ZNF707: variants seen among roughly 807,000 people sequenced by gnomAD.
ZNF707 encodes zinc finger protein 707.
In ZNF707, 8 loss-of-function variants were observed where a neutral mutation model predicts 13.3. The observed-to-expected ratio is 0.60, with a 90% CI of 0.35 to 1.09. ZNF707 has a LOEUF of 1.09. Among genes scored for constraint, ZNF707 ranks in the 50% least tolerant of loss-of-function variants. ZNF707 has a pLI of 0.02. For synonymous variants in ZNF707, 225 were observed against 205.6 expected (o/e 1.09, Z -0.81); for missense variants, 530 against 512.6 (o/e 1.03, Z -0.33).
chr8:143,693,610 T>C lies in ZNF707; in HGVS notation c.257-61T>C. On this transcript the variant is annotated intron_variant, in intron 5 of 5. Coordinates refer to ENST00000358656, the MANE Select transcript of ZNF707 (RefSeq NM_001100598.2). The surrounding 1 kb of genome is among the most constrained non-coding windows in gnomAD (Gnocchi z 4.1). ...GCGCCCGGCCTCCTCTGGGCTTTGC[T>C]GGAGGCACTGCCTGGCTGTGGGCCA... 1.4e-6 allele frequency: 2 copies of C among 1,477,356 alleles called. No individual in the cohort carries two copies. The allele number at this position is 1,477,356 out of a possible 1,614,324, so 91.5% of individuals were successfully genotyped here.
rs1817115912 is a variant in ZNF707 at position 143,694,145 on chromosome 8, A to C, written c.731A>C (p.Lys244Thr). The change falls in exon 6 of 6, where the codon AAG becomes ACG. Residue 244 changes from lysine to threonine, a missense_variant. Lys to Thr is a moderately conservative substitution (Grantham distance 78). Coordinates refer to ENST00000358656, the MANE Select transcript of ZNF707 (RefSeq NM_001100598.2). This position sits in a 1 kb window ranked among gnomAD's most constrained non-coding sequence, Gnocchi z 4.4. ...CEACGQAFSLKDRLAQHRKVH... is the reference protein window; with the variant it reads ...CEACGQAFSLTDRLAQHRKVH... The stretch of plus-strand genomic sequence containing the variant: ...GCCTGCGGGCAGGCGTTCAGCCTGA[A>C]GGACCGCCTGGCTCAGCACCGCAAG... 21 of 1,591,098 alleles carry C rather than the reference A, an allele frequency of 1.3e-5. No homozygotes were observed. The highest frequency in any genetic ancestry group is 1.8e-5 in the Non-Finnish European group (21 of 1,168,590).
intron 1 of ZNF707, chr8:143,688,528 C>T (rs1416554248): frequency 6.6e-6 from 1 of 151,520 alleles, no homozygotes; most frequent in Non-Finnish European, 1.5e-5. Flanking sequence ...GTCCATGTCA[C>T]TTGGTCATGA....
chr8:143,693,586 C>A lies in ZNF707; in HGVS notation c.257-85C>A. On this transcript the variant is annotated intron_variant, in intron 5 of 5. Transcript: ENST00000358656. The surrounding 1 kb of genome is among the most constrained non-coding windows in gnomAD (Gnocchi z 4.1). ...CTGGGATTACAGGCGTGAGCCACCG[C>A]GCCCGGCCTCCTCTGGGCTTTGCTG... 1 of 1,430,896 alleles carries A rather than the reference C, an allele frequency of 7.0e-7. No homozygotes were observed. The highest frequency in any genetic ancestry group is 9.2e-7 in the Non-Finnish European group (1 of 1,085,274). 88.6% of individuals were successfully genotyped at this position (1,430,896 alleles called of 1,614,324 possible). A position where few individuals can be genotyped will look rare whatever the true frequency, so the allele number is the denominator to read the frequency against.
chr8:143,686,702 C>T (rs146355217), intron 1 of ZNF707, among the ~76,000 whole-genome samples: 1,532 of 152,224 alleles, frequency 0.01, 14 homozygotes, highest in Non-Finnish European at 0.018. Context: ...ACAGAGGTCT[C>T]CCTATGTTGC....
intron 2 of ZNF707, among the ~76,000 whole-genome samples, chr8:143,689,693 G>A (rs782703030): frequency 1.3e-5 from 2 of 152,200 alleles, no homozygotes; most frequent in African/African-American, 4.8e-5. Flanking sequence ...AGGAGCCTCC[G>A]CTGCCTCAGT....
At chr8:143,686,454 A>G (rs530930693) in intron 1 of ZNF707, among the ~76,000 whole-genome samples, 4 of 152,114 alleles carry the variant, frequency 2.6e-5, no homozygotes, top group Non-Finnish European at 5.9e-5. Context: ...AACACCACCC[A>G]TGACCCATGT....
intron 1 of ZNF707, among the ~76,000 whole-genome samples, chr8:143,688,277 AT>A (rs1441969358): frequency 2.0e-5 from 3 of 152,198 alleles, no homozygotes; most frequent in Admixed American, 6.5e-5. Context: ...TGAAAAAAAA[AT>A]ATCAAGTTGA....
intron 5 of ZNF707, chr8:143,692,356 T>C (rs73718140): frequency 0.027 from 33,445 of 1,251,372 alleles, 673 homozygotes; most frequent in African/African-American, 0.1. Flanking sequence ...GACTGTGGAG[T>C]GTCAGGTCCC....
chr8:143,691,162 C>A lies in ZNF707; in HGVS notation c.105C>A (p.Asp35Glu), dbSNP rs200815515. ...CCAGCCAGAGGGCCCTCTACCGGGACGTGATGCTGGACAACTTCAGCAGTG... is the reference window on the plus strand; with the variant it reads ...CCAGCCAGAGGGCCCTCTACCGGGAAGTGATGCTGGACAACTTCAGCAGTG... ...LEPSQRALYR[D>E]VMLDNFSSVA... Residue 35 changes from aspartate (D) to glutamate (E), a missense_variant, in exon 4 of 6, where the codon GAC becomes GAA. Asp to Glu is a conservative substitution (Grantham distance 45, BLOSUM62 2). Transcript: ENST00000358656. The A allele has an allele frequency of 6.2e-7, 1 of 1,613,688 alleles. No individual in the cohort carries two copies. Among genetic ancestry groups the A allele is most frequent in the Non-Finnish European group, 8.5e-7 (1 of 1,179,740 alleles).
At chr8:143,688,294 A>G (rs1816478009) in intron 1 of ZNF707, among the ~76,000 whole-genome samples, 1 of 152,192 alleles carries the variant, frequency 6.6e-6, no homozygotes, top group Non-Finnish European at 1.5e-5. Context: ...GTTGAAAAGC[A>G]TATTCATGAA....
At chr8:143,688,752 C>G (rs554134056) in intron 1 of ZNF707, 1 of 151,668 alleles carries the variant, frequency 6.6e-6, no homozygotes, top group African/African-American at 2.4e-5. Context: ...GCAGTCCCCC[C>G]ACCTCAGCCT....
chr8:143,694,688 G>A lies in ZNF707; in HGVS notation c.*158G>A. 6 of 835,792 alleles carry A rather than the reference G, an allele frequency of 7.2e-6. No homozygotes were observed. The highest frequency in any genetic ancestry group is 1.8e-6 in the Non-Finnish European group (1 of 564,944). 51.8% of individuals were successfully genotyped at this position (835,792 alleles called of 1,614,324 possible). A position where few individuals can be genotyped will look rare whatever the true frequency, so the allele number is the denominator to read the frequency against. ...CCCAGTCCCCCGAGAAGTTTACTGG[G>A]AAAACTGCCAGGTGGGAGAAGCAGA... On this transcript the variant is annotated 3_prime_UTR_variant, in exon 6 of 6. Coordinates refer to ENST00000358656, the MANE Select transcript of ZNF707 (RefSeq NM_001100598.2). The surrounding 1 kb of genome is among the most constrained non-coding windows in gnomAD (Gnocchi z 4.4).
Position 143,693,632 on chromosome 8 carries a change from G to A in ZNF707, c.257-39G>A. On this transcript the variant is annotated intron_variant, in intron 5 of 5. Transcript: ENST00000358656. This position sits in a 1 kb window ranked among gnomAD's most constrained non-coding sequence, Gnocchi z 4.1. ...TGCTGGAGGCACTGCCTGGCTGTGG[G>A]CCACTGGCTCTGTGTAAGGGTGTCT... The A allele has an allele frequency of 1.3e-6, 2 of 1,500,184 alleles. No homozygotes were observed. The highest frequency in any genetic ancestry group is 1.8e-6 in the Non-Finnish European group (2 of 1,125,816). The allele number at this position is 1,500,184 out of a possible 1,614,324, so 92.9% of individuals were successfully genotyped here.
chr8:143,693,914 G>C lies in ZNF707; in HGVS notation c.500G>C (p.Arg167Pro). 2 of 1,606,354 alleles carry C rather than the reference G, an allele frequency of 1.2e-6. No homozygotes were observed. The highest frequency in any genetic ancestry group is 1.7e-6 in the Non-Finnish European group (2 of 1,176,144). The change falls in exon 6 of 6, where the codon CGG (arginine) becomes CCG (proline). Residue 167 changes from arginine to proline, a missense_variant. Arg to Pro is a moderately radical substitution (Grantham distance 103). Coordinates refer to ENST00000358656, the MANE Select transcript of ZNF707 (RefSeq NM_001100598.2). This position sits in a 1 kb window ranked among gnomAD's most constrained non-coding sequence, Gnocchi z 4.1. ...CGRRPGRRER[R>P]KQRAVELSFI... The stretch of plus-strand genomic sequence containing the variant: ...CGGCGGCCGGGCCGCAGAGAGCGCC[G>C]GAAGCAGCGCGCAGTAGAGCTGTCA...
In ZNF707 at chr8:143,694,351, G is replaced by C; in HGVS notation, c.937G>C (p.Glu313Gln). ...CCACCACCAGAGGGTCCACAGCGGG[G>C]AGAAGCCCTACACCTGTGCCGAGTG... is the stretch of plus-strand genomic sequence containing the variant. ...LSHHQRVHSG[E>Q]KPYTCAECGK... Residue 313 changes from glutamate (E) to glutamine (Q), a missense_variant, in exon 6 of 6, where the codon GAG (glutamate) becomes CAG (glutamine). Physicochemically the swap from Glu to Gln is conservative, Grantham distance 29. Transcript: ENST00000358656. This position sits in a 1 kb window ranked among gnomAD's most constrained non-coding sequence, Gnocchi z 4.4. The C allele has an allele frequency of 1.9e-6, 3 of 1,609,914 alleles. No individual in the cohort carries two copies. The highest frequency in any genetic ancestry group is 2.5e-6 in the Non-Finnish European group (3 of 1,177,974).
intron 5 of ZNF707, 172 bp downstream of exon 5, chr8:143,691,885 T>G (rs1369552566): frequency 5.1e-6 from 5 of 978,538 alleles, no homozygotes; most frequent in Non-Finnish European, 6.1e-6. Flanking sequence ...GCCACGCTCC[T>G]GCCCTGATGG....
intron 3 of ZNF707, 79 bp downstream of exon 3, chr8:143,690,202 G>A: frequency 6.5e-7 from 1 of 1,549,886 alleles, no homozygotes; most frequent in South Asian, 1.1e-5. Context: ...CGCGGGGAGG[G>A]TCTGTGGCAG....
intron 4 of ZNF707, 53 bp from the exon 5 acceptor site, chr8:143,691,547 C>T: frequency 6.5e-7 from 1 of 1,527,842 alleles, no homozygotes; most frequent in South Asian, 1.2e-5. Flanking sequence ...AGCCTCGACC[C>T]TCACTTTGTC....
chr8:143,690,072 C>G lies in ZNF707; in HGVS notation c.-37C>G, dbSNP rs1816662462. 20 of 1,609,220 alleles carry G rather than the reference C, an allele frequency of 1.2e-5. No homozygotes were observed. Among genetic ancestry groups the G allele is most frequent in the Non-Finnish European group, 1.6e-5 (19 of 1,179,768 alleles). On this transcript the variant is annotated 5_prime_UTR_variant, in exon 3 of 6. Transcript: ENST00000358656. ...GTCTCCCCAGATCTGCCCTCCTTGG[C>G]ACTGTGCTTCCCCAGAGGGGTGGCC...
Sources: allele counts gnomAD v4.1 joint callset (sites outside exome capture counted in the v4.1 genomes callset), GRCh38; gene constraint gnomAD v4.1.1; non-coding constraint Gnocchi (gnomAD v3.1); transcripts MANE v1.5; gene names NCBI Gene and HGNC (gene_info 2026-07-23, HGNC 2026-07-21).